The following HTT variants were observed in gnomAD, a reference collection of about 807,000 sequenced individuals.
HTT encodes the protein huntington disease protein.
Under a neutral mutation model 362.3 loss-of-function variants are expected in HTT, and 104 were observed. That is an observed-to-expected ratio of 0.29 (90% CI 0.24 to 0.34). The LOEUF is 0.34. HTT is among the 10% of genes least tolerant of loss of function. The pLI is 1.00. For missense variants in HTT, 3,301 were observed against 3,928.6 expected (o/e 0.84, Z 4.27); for synonymous variants, 1,577 against 1,548.7 (o/e 1.02, Z -0.43).
chr4:3,129,888 C>T, intron 12 of HTT, 36 bp from the exon 13 acceptor site: 1 of 1,613,680 alleles, frequency 6.2e-7, no homozygotes, highest in Non-Finnish European at 8.5e-7. Flanking sequence ...GGTGATCACA[C>T]TTCAAAATTC....
intron 15 of HTT, 110 bp downstream of exon 15, chr4:3,131,507 TGA>T: frequency 6.8e-7 from 1 of 1,470,346 alleles, no homozygotes; most frequent in Non-Finnish European, 9.5e-7. Context: ...AATCTGAGGA[TGA>T]GTTTGGTTTT....
chr4:3,208,060 T>C (rs537652603), intron 45 of HTT, among the ~76,000 whole-genome samples: 1 of 152,210 alleles, frequency 6.6e-6, no homozygotes, highest in African/African-American at 2.4e-5. Context: ...AAAATTATTA[T>C]GCTTTTCAGT....
chr4:3,164,413 G>T (rs1298347013), intron 29 of HTT, among the ~76,000 whole-genome samples: 2 of 152,176 alleles, frequency 1.3e-5, no homozygotes, highest in Non-Finnish European at 2.9e-5. Flanking sequence ...TTGATTTGGG[G>T]TGCAGAGTTC....
chr4:3,149,496 C>T (rs754050120), intron 26 of HTT, among the ~76,000 whole-genome samples: 52 of 151,870 alleles, frequency 3.4e-4, no homozygotes, highest in Non-Finnish European at 5.7e-4. Flanking sequence ...TTAGTAGAGA[C>T]GGGGTTTCAC....
At chr4:3,212,402 G>C (rs1324832137) in intron 48 of HTT, among the ~76,000 whole-genome samples, 162 bp from the exon 49 acceptor site, 1 of 152,236 alleles carries the variant, frequency 6.6e-6, no homozygotes, top group African/African-American at 2.4e-5. Flanking sequence ...GGGAGATGCA[G>C]CCCCAAACCA....
Position 3,205,164 on chromosome 4 carries a change from CGG to C in HTT, c.5718+1017_5718+1018del, listed in dbSNP as rs901255666. Among the ~76,000 whole-genome samples the C allele has an allele frequency of 7.9e-5, 12 of 152,044 alleles. 1 individual carries two copies. The highest frequency in any genetic ancestry group is 6.8e-3 in the Middle Eastern group (2 of 294). Reference sequence around the variant, plus strand: ...GAGAATTTACAAAAAAACAAATAAACGGAGGAAAATAAAACCTCCTGTAATCA... The same window carrying C: ...GAGAATTTACAAAAAAACAAATAAACAGGAAAATAAAACCTCCTGTAATCA... On this transcript the variant is annotated intron_variant, in intron 42 of 66. Coordinates refer to ENST00000355072, the MANE Select transcript of HTT (RefSeq NM_001388492.1).
intron 3 of HTT, among the ~76,000 whole-genome samples, chr4:3,100,936 C>T (rs1332950606): frequency 6.6e-5 from 10 of 152,184 alleles, no homozygotes; most frequent in African/African-American, 2.4e-4. Context: ...GCCAGGTTGC[C>T]CAGGCTGGTC....
At chr4:3,190,355 C>CAAAA (rs112330064) in intron 40 of HTT, among the ~76,000 whole-genome samples, 5 of 132,114 alleles carry the variant, frequency 3.8e-5, no homozygotes, top group African/African-American at 8.3e-5. Context: ...AAAAAAAATC[C>CAAAA]AAAAAAAAAA....
rs761985467 is a variant in HTT at position 3,134,396 on chromosome 4, T to C, written c.2494-5T>C. ...TGTCCTCTTGCCTTGGACCTTGTGT[T>C]CCAGAACTGTGTCATGAGTCTCTGC... On this transcript the variant is annotated splice_polypyrimidine_tract_variant and splice_region_variant and intron_variant, in intron 18 of 66. Coordinates refer to ENST00000355072, the MANE Select transcript of HTT (RefSeq NM_001388492.1). 3 of 1,612,968 alleles carry C rather than the reference T, an allele frequency of 1.9e-6. No individual in the cohort carries two copies. The highest frequency in any genetic ancestry group is 4.5e-5 in the East Asian group (2 of 44,866).
At chr4:3,185,559 A>G (rs1224610595) in intron 37 of HTT, among the ~76,000 whole-genome samples, 1 of 152,212 alleles carries the variant, frequency 6.6e-6, no homozygotes, top group Non-Finnish European at 1.5e-5. Context: ...TCAATAAGTA[A>G]TGGTTGAACA....
intron 47 of HTT, among the ~76,000 whole-genome samples, chr4:3,211,260 T>C (rs895987895): frequency 6.6e-6 from 1 of 152,180 alleles, no homozygotes; most frequent in African/African-American, 2.4e-5. Context: ...AGTGATAAAT[T>C]TGCTTAGTGA....
In HTT at chr4:3,145,251, A is replaced by G. The variant is rs977819188; in HGVS notation, c.3143+23A>G. The G allele has an allele frequency of 3.4e-6, 5 of 1,457,662 alleles. No homozygotes were observed. In the African/African-American group the frequency reaches 5.6e-5, roughly 16 times the overall value. The allele number at this position is 1,457,662 out of a possible 1,614,324, so 90.3% of individuals were successfully genotyped here. ...TGGGTATGTATTTTCCTCAGTATAT[A>G]TTAATAGTTGTCTACAACAGTATGA... On this transcript the variant is annotated intron_variant, in intron 24 of 66. Transcript: ENST00000355072.
Position 3,127,492 on chromosome 4 carries a change from C to T in HTT, c.1631C>T (p.Pro544Leu), listed in dbSNP as rs1715576773. ...CAGGTCAGCGCCGTCCCATCTGACCCTGCCATGGACCTGAATGATGGGACC... is the reference window on the plus strand; with the variant it reads ...CAGGTCAGCGCCGTCCCATCTGACCTTGCCATGGACCTGAATGATGGGACC... Reference protein sequence around the residue: ...SSQVSAVPSDPAMDLNDGTQA... With the variant: ...SSQVSAVPSDLAMDLNDGTQA... Residue 544 changes from proline to leucine, a missense_variant, in exon 12 of 67, where the codon CCT (proline) becomes CTT (leucine). Around this residue, in one of 4 missense-constraint regions of HTT, gnomAD observed 2,316 missense variants for 2,658.5 expected, o/e 0.87. Coordinates refer to ENST00000355072, the MANE Select transcript of HTT (RefSeq NM_001388492.1). 1 of 1,614,188 alleles carries T rather than the reference C, an allele frequency of 6.2e-7. No homozygotes were observed. Among genetic ancestry groups the T allele is most frequent in the Non-Finnish European group, 8.5e-7 (1 of 1,180,002 alleles).
chr4:3,185,244 G>C (rs1243930662), intron 37 of HTT, among the ~76,000 whole-genome samples: 1 of 152,190 alleles, frequency 6.6e-6, no homozygotes, highest in African/African-American at 2.4e-5. Flanking sequence ...ATCAGTTCAT[G>C]ACACAGGAGA....
Position 3,131,282 on chromosome 4 carries a change from C to T in HTT, c.1987-4C>T. On this transcript the variant is annotated splice_region_variant and splice_polypyrimidine_tract_variant and intron_variant, in intron 14 of 66. Transcript: ENST00000355072. ...ACAAACAAGTGTCATTGTCTCCTTTCTAGCCTTGCCGCATCAAAGGTGACA... is the reference window on the plus strand; with the variant it reads ...ACAAACAAGTGTCATTGTCTCCTTTTTAGCCTTGCCGCATCAAAGGTGACA... 1 of 1,602,264 alleles carries T rather than the reference C, an allele frequency of 6.2e-7. No homozygotes were observed. The highest frequency in any genetic ancestry group is 1.1e-5 in the South Asian group (1 of 90,848).
chr4:3,183,591 A>G (rs936110744), intron 37 of HTT, among the ~76,000 whole-genome samples: 2 of 152,176 alleles, frequency 1.3e-5, no homozygotes, highest in African/African-American at 4.8e-5. Context: ...CTGATTTCAT[A>G]ATGGAATGTT....
intron 24 of HTT, among the ~76,000 whole-genome samples, chr4:3,146,453 TG>T (rs889751842): frequency 2.0e-5 from 3 of 152,384 alleles, no homozygotes; most frequent in Admixed American, 6.5e-5. Flanking sequence ...TCTTTTATTT[TG>T]TGCCTGTTTA....
intron 6 of HTT, among the ~76,000 whole-genome samples, chr4:3,107,697 T>C (rs144826469): frequency 3.2e-4 from 49 of 152,336 alleles, no homozygotes; most frequent in African/African-American, 1.1e-3. Flanking sequence ...GTTTTCGGCG[T>C]ACTAGAGTGA....
At chr4:3,177,457 G>A (rs1718292382) in intron 34 of HTT, 70 bp downstream of exon 34, 2 of 1,046,740 alleles carry the variant, frequency 1.9e-6, no homozygotes, top group Admixed American at 5.2e-5. Context: ...AGGTTATTAA[G>A]TGAATGTTTA....
Sources: allele counts gnomAD v4.1 joint callset (sites outside exome capture counted in the v4.1 genomes callset), GRCh38; gene constraint gnomAD v4.1.1; regional missense constraint gnomAD v4.1.1; transcripts MANE v1.5; gene names NCBI Gene and HGNC (gene_info 2026-07-23, HGNC 2026-07-21).